GALNT2: variants seen among roughly 807,000 people sequenced by gnomAD.
The protein encoded by GALNT2 is polypeptide N-acetylgalactosaminyltransferase 2, also known as UDP-GalNAc:polypeptide N-acetylgalactosaminyltransferase 2.
In GALNT2, 31 loss-of-function variants were observed where a neutral mutation model predicts 81.4. The observed-to-expected ratio is 0.38, with a 90% CI of 0.29 to 0.51. GALNT2 has a LOEUF of 0.51. GALNT2 is among the 20% of genes least tolerant of loss of function. The pLI, the probability that GALNT2 is intolerant of heterozygous loss-of-function variation, is 0.87. For missense variants in GALNT2, 629 were observed against 765.7 expected, an observed-to-expected ratio of 0.82 and a Z score of 2.11; for synonymous variants, 303 against 287.4, an observed-to-expected ratio of 1.05 and a Z score of -0.55.
In GALNT2 at chr1:230,275,916, ACCACAGATACATACATATATACATG is replaced by A. The variant is rs1666291023; in HGVS notation, c.1560+1358_1560+1382del. On this transcript the variant is annotated intron_variant, in intron 15 of 15. Transcript: ENST00000366672. This position sits in a 1 kb window ranked among gnomAD's most constrained non-coding sequence, Gnocchi z 5.5. Reference sequence around the variant, plus strand: ...ATAAACACCACATATATACATAGACACCACAGATACATACATATATACATGCCACATATATATACGTATATATACA... The same window carrying A: ...ATAAACACCACATATATACATAGACACCACATATATATACGTATATATACA... Among the ~76,000 whole-genome samples the A allele has an allele frequency of 1.3e-5, 2 of 151,322 alleles. No homozygotes were observed. The highest frequency in any genetic ancestry group is 2.9e-5 in the Non-Finnish European group (2 of 67,820).
intron 14 of GALNT2, among the ~76,000 whole-genome samples, chr1:230,268,711 G>A (rs1036070965): frequency 1.4e-4 from 22 of 152,252 alleles, no homozygotes; most frequent in African/African-American, 4.6e-4. Flanking sequence ...GCAGGTCTAC[G>A]GGAACCAAAG....
intron 6 of GALNT2, among the ~76,000 whole-genome samples, chr1:230,239,195 T>C (rs1346975242): frequency 1.3e-5 from 2 of 152,242 alleles, no homozygotes; most frequent in African/African-American, 2.4e-5. Flanking sequence ...TCTTATTTTC[T>C]TTATCTGTCT....
upstream of GALNT2, chr1:230,067,194 C>T (rs1659214942): frequency 2.5e-6 from 2 of 813,852 alleles, no homozygotes; most frequent in Non-Finnish European, 3.2e-6. Context: ...CCTTCCTCCG[C>T]TCCTCCCCCG....
chr1:230,167,828 C>T (rs1662660619), intron 1 of GALNT2, among the ~76,000 whole-genome samples: 1 of 152,194 alleles, frequency 6.6e-6, no homozygotes. Context: ...CCCCGCTCAT[C>T]ACCAAGTGCT....
At chr1:230,208,364 G>C (rs578054078) in intron 3 of GALNT2, among the ~76,000 whole-genome samples, 21 of 152,184 alleles carry the variant, frequency 1.4e-4, no homozygotes, top group Non-Finnish European at 2.6e-4. Flanking sequence ...CACAAGGGAA[G>C]ACCTGCAGTC....
intron 1 of GALNT2, among the ~76,000 whole-genome samples, chr1:230,106,638 G>T (rs886333606): frequency 6.6e-6 from 1 of 152,222 alleles, no homozygotes; most frequent in Non-Finnish European, 1.5e-5. Context: ...GCAGGCATTC[G>T]TAAGAGTGCA....
intron 1 of GALNT2, among the ~76,000 whole-genome samples, chr1:230,084,059 A>T (rs1558275868): frequency 6.6e-6 from 1 of 152,056 alleles, no homozygotes; most frequent in Non-Finnish European, 1.5e-5. Flanking sequence ...GTCACTTTGG[A>T]CACCCGAGAT....
intron 1 of GALNT2, among the ~76,000 whole-genome samples, chr1:230,161,006 AGTT>A (rs1035189920): frequency 1.3e-5 from 2 of 152,070 alleles, no homozygotes; most frequent in African/African-American, 2.4e-5. Context: ...TCTATTGTGA[AGTT>A]GTTGTTGAGG....
At chr1:230,111,532 C>T (rs778244458) in intron 1 of GALNT2, among the ~76,000 whole-genome samples, 5 of 152,238 alleles carry the variant, frequency 3.3e-5, no homozygotes, top group African/African-American at 9.6e-5. Context: ...AGGGCATGTA[C>T]CCAAGTAGTC....
intron 1 of GALNT2, among the ~76,000 whole-genome samples, chr1:230,120,670 A>C (rs1660988892): frequency 6.6e-6 from 1 of 152,084 alleles, no homozygotes; most frequent in South Asian, 2.1e-4. Flanking sequence ...AGGGCTGGTC[A>C]CCCAAACAAC....
intron 1 of GALNT2, among the ~76,000 whole-genome samples, chr1:230,137,717 G>C (rs373500911): frequency 6.6e-6 from 1 of 152,210 alleles, no homozygotes; most frequent in Non-Finnish European, 1.5e-5. Context: ...TCCAGCTCTA[G>C]ATTGCAACCT....
Position 230,095,719 on chromosome 1 carries a change from A to C in GALNT2, c.126+28313A>C, listed in dbSNP as rs114534419. ...AACTTGAACCAGTAGACTGCTGTGG[A>C]TGTGACACTGGGCGTGGTGCAGGCT... is the stretch of plus-strand genomic sequence containing the variant. On this transcript the variant is annotated intron_variant, in intron 1 of 15. Coordinates refer to ENST00000366672, the MANE Select transcript of GALNT2 (RefSeq NM_004481.5). 8.7e-3 allele frequency among the ~76,000 whole-genome samples: 1,330 copies of C among 152,298 alleles called. 21 individuals carry two copies. Among genetic ancestry groups the C allele is most frequent in the African/African-American group, 0.031 (1,288 of 41,560 alleles).
intron 2 of GALNT2, among the ~76,000 whole-genome samples, chr1:230,187,770 G>A (rs946218408): frequency 1.6e-4 from 24 of 152,140 alleles, no homozygotes; most frequent in African/African-American, 5.6e-4. Context: ...GGGGTTAAGT[G>A]GGAAGATGGT....
intron 1 of GALNT2, among the ~76,000 whole-genome samples, chr1:230,146,760 G>C (rs572154282): frequency 1.3e-5 from 2 of 152,214 alleles, no homozygotes; most frequent in Non-Finnish European, 2.9e-5. Flanking sequence ...GGTGGGTGTC[G>C]TGCATGTAAG....
At chr1:230,148,190 T>G (rs1453185375) in intron 1 of GALNT2, among the ~76,000 whole-genome samples, 1 of 152,176 alleles carries the variant, frequency 6.6e-6, no homozygotes, top group East Asian at 1.9e-4. Context: ...CGAGGTGGAC[T>G]TTAGGTGAAG....
intron 14 of GALNT2, 74 bp downstream of exon 14, chr1:230,265,441 G>C (rs1666007519): frequency 3.8e-6 from 6 of 1,593,750 alleles, no homozygotes; most frequent in Non-Finnish European, 5.1e-6. Flanking sequence ...GATGTTAGAA[G>C]TCCCAGCTGC....
intron 1 of GALNT2, among the ~76,000 whole-genome samples, chr1:230,142,397 C>G (rs1661774651): frequency 6.6e-6 from 1 of 152,158 alleles, no homozygotes; most frequent in South Asian, 2.1e-4. Flanking sequence ...GCCCCCCATG[C>G]TCAGAGGCTG....
chr1:230,262,542 A>G, intron 11 of GALNT2, 31 bp from the exon 12 acceptor site: 1 of 1,578,244 alleles, frequency 6.3e-7, no homozygotes, highest in Non-Finnish European at 8.7e-7. Flanking sequence ...AAAGAAAGGA[A>G]ATCACACCTC....
intron 2 of GALNT2, among the ~76,000 whole-genome samples, chr1:230,185,165 C>T (rs1313240460): frequency 6.6e-6 from 1 of 152,072 alleles, no homozygotes; most frequent in East Asian, 1.9e-4. Context: ...GAGTCCCTAG[C>T]ATATTAATTA....
Sources: gnomAD v4.1 joint callset for allele counts (sites outside exome capture counted in the v4.1 genomes callset) on GRCh38, gnomAD v4.1.1 for gene constraint, Gnocchi (gnomAD v3.1) non-coding constraint, MANE v1.5 for transcripts, NCBI Gene and HGNC (gene_info 2026-07-23, HGNC 2026-07-21) for gene names.